Variants in SREK1 observed in about 807,000 individuals in gnomAD.
SREK1 encodes the protein splicing regulatory glutamic acid and lysine rich protein 1, also known as splicing regulatory glutamine/lysine-rich protein 1.
Under a neutral mutation model 66.5 loss-of-function variants are expected in SREK1, and 13 were observed. The observed-to-expected ratio is 0.20, with a 90% confidence interval of 0.13 to 0.31. The LOEUF is 0.31. Among genes scored for constraint, SREK1 ranks in the 10% least tolerant of loss-of-function variants. The pLI is 1.00. For synonymous variants in SREK1, 265 were observed against 263.5 expected, an observed-to-expected ratio of 1.01 and a Z score of -0.05; for missense variants, 607 against 769.6, an observed-to-expected ratio of 0.79 and a Z score of 2.50.
intron 10 of SREK1, among the ~76,000 whole-genome samples, chr5:66,176,250 A>C (rs1022053024): frequency 6.6e-6 from 1 of 151,966 alleles, no homozygotes; most frequent in African/African-American, 2.4e-5. Context: ...GTTTGGGTCT[A>C]TTTCTGGGTC....
Position 66,179,965 on chromosome 5 carries a change from C to T in SREK1, c.*1097C>T, listed in dbSNP as rs1192567276. 2 of 152,520 alleles carry T rather than the reference C, an allele frequency of 1.3e-5. No individual in the cohort carries two copies. The highest frequency in any genetic ancestry group is 2.9e-5 in the Non-Finnish European group (2 of 67,976). 9.4% of individuals were successfully genotyped at this position (152,520 alleles called of 1,614,324 possible). A position where few individuals can be genotyped will look rare whatever the true frequency, so the allele number is the denominator to read the frequency against. ...CATTAGAGTCATGCAGCTTTGGGAC[C>T]ATCAGTTTTATACTGTGATAATTGA... On this transcript the variant is annotated 3_prime_UTR_variant, in exon 12 of 12. Transcript: ENST00000334121.
intron 1 of SREK1, among the ~76,000 whole-genome samples, chr5:66,151,433 C>T (rs1743796377): frequency 6.6e-6 from 1 of 152,086 alleles, no homozygotes; most frequent in African/African-American, 2.4e-5. Flanking sequence ...AGTTGGTGGG[C>T]AGTGCTTAGG....
rs1156990457 is a variant in SREK1, at chr5:66,182,774, C to G, written c.*3906C>G. 6.6e-6 allele frequency: 1 copy of G among 152,148 alleles called. No individual in the cohort carries two copies. The highest frequency in any genetic ancestry group is 1.5e-5 in the Non-Finnish European group (1 of 68,070). The allele number at this position is 152,148 out of a possible 1,614,324, so 9.4% of individuals were successfully genotyped here. A position where few individuals can be genotyped will look rare whatever the true frequency, so the allele number is the denominator to read the frequency against. On this transcript the variant is annotated 3_prime_UTR_variant, in exon 12 of 12. Transcript: ENST00000334121. The stretch of plus-strand genomic sequence containing the variant: ...GTAGAGACAGGATCTTGCCATGTTG[C>G]CTAGACTGGTCTCAAACTCCTGGGC...
intron 1 of SREK1, among the ~76,000 whole-genome samples, chr5:66,147,500 C>T (rs1743351512): frequency 1.3e-5 from 2 of 152,162 alleles, no homozygotes; most frequent in South Asian, 2.1e-4. Context: ...GTAAGTTCCC[C>T]GTGACCCCCT....
Position 66,159,307 on chromosome 5 carries a change from A to G in SREK1, c.384A>G (p.Pro128=), listed in dbSNP as rs757372170. The change falls in exon 3 of 12, where the codon CCA becomes CCG. Residue 128 remains proline, a synonymous_variant. Transcript: ENST00000334121. ...TGATGCCTGGTGCAGGATTGCTTCC[A>G]ATACCGACCCCAAATCCTTTGACTA... The part of the protein sequence containing the change: ...TSLMPGAGLL[P]IPTPNPLTTL... 2 of 1,612,784 alleles carry G rather than the reference A, an allele frequency of 1.2e-6. No individual in the cohort carries two copies. The highest frequency in any genetic ancestry group is 2.2e-5 in the South Asian group (2 of 90,924).
intron 3 of SREK1, among the ~76,000 whole-genome samples, chr5:66,161,206 A>C (rs892624314): frequency 6.6e-6 from 1 of 152,226 alleles, no homozygotes; most frequent in Non-Finnish European, 1.5e-5. Context: ...ACTCATACTC[A>C]TACTCATCTG....
In SREK1 at chr5:66,181,766, C is replaced by T. The variant is rs1746505180; in HGVS notation, c.*2898C>T. 1 of 151,990 alleles carries T rather than the reference C, an allele frequency of 6.6e-6. No individual in the cohort carries two copies. The highest frequency in any genetic ancestry group is 1.5e-5 in the Non-Finnish European group (1 of 68,004). 9.4% of individuals were successfully genotyped at this position (151,990 alleles called of 1,614,324 possible). On this transcript the variant is annotated 3_prime_UTR_variant, in exon 12 of 12. Transcript: ENST00000334121. ...TTGCAAACACTAGTCAGCTTGTGAT[C>T]TCTGTGTTTCAAGTTCTTTTCTTCA...
rs772307778 is a variant in SREK1, at chr5:66,144,532, C to A, written c.156C>A (p.Pro52=). The A allele has an allele frequency of 5.7e-5, 88 of 1,551,802 alleles. No individual in the cohort carries two copies. Among genetic ancestry groups the A allele is most frequent in the Admixed American group, 3.9e-4 (20 of 51,186 alleles). Residue 52 remains proline (P), a synonymous_variant, in exon 1 of 12, where the codon CCC becomes CCA. Transcript: ENST00000334121. ...AAATCGAGGAGCTGCGGCTCTACCC[C>A]CCGGAGTAAGTGCTGGAGCTCGGCT... ...LGEIEELRLY[P]PDNAPLAFSS...
intron 2 of SREK1, chr5:66,156,651 T>C (rs1215997900): frequency 1.4e-5 from 14 of 985,316 alleles, no homozygotes; most frequent in Non-Finnish European, 1.7e-5. Flanking sequence ...CCCTGGAATT[T>C]TAGGCATACA....
intron 1 of SREK1, among the ~76,000 whole-genome samples, chr5:66,150,054 C>A (rs982419298): frequency 1.1e-4 from 16 of 152,212 alleles, no homozygotes; most frequent in Admixed American, 7.9e-4. Flanking sequence ...TGCTGTAAGT[C>A]ACCTTCCAGC....
intron 3 of SREK1, 80 bp downstream of exon 3, chr5:66,159,414 G>T: frequency 9.0e-7 from 1 of 1,107,362 alleles, no homozygotes. Context: ...CAGATTATTT[G>T]CATTTGGATC....
At chr5:66,178,025 G>A (rs780304574) in intron 11 of SREK1, among the ~76,000 whole-genome samples, 22 of 152,000 alleles carry the variant, frequency 1.4e-4, no homozygotes, top group Non-Finnish European at 2.5e-4. Flanking sequence ...GGTTTGTTGG[G>A]TTAGAATACC....
rs1040609177 is a variant in SREK1 at position 66,179,164 on chromosome 5, A to C, written c.*296A>C. 9.7e-6 allele frequency: 2 copies of C among 205,144 alleles called. No individual in the cohort carries two copies. The highest frequency in any genetic ancestry group is 4.6e-5 in the African/African-American group (2 of 43,490). 12.7% of individuals were successfully genotyped at this position (205,144 alleles called of 1,614,324 possible). A position where few individuals can be genotyped will look rare whatever the true frequency, so the allele number is the denominator to read the frequency against. On this transcript the variant is annotated 3_prime_UTR_variant, in exon 12 of 12. Transcript: ENST00000334121. Reference sequence around the variant, plus strand: ...TGTTTGCCAAGAACCATTGCAAATAAATTGAACATCAAAGATCCAAGTTTG... The same window carrying C: ...TGTTTGCCAAGAACCATTGCAAATACATTGAACATCAAAGATCCAAGTTTG...
At chr5:66,178,298 A>G (rs1366863359) in intron 11 of SREK1, among the ~76,000 whole-genome samples, 5 of 152,068 alleles carry the variant, frequency 3.3e-5, no homozygotes, top group Non-Finnish European at 1.5e-5. Flanking sequence ...AATTGAGGGT[A>G]GAAATTGGAG....
At chr5:66,152,022 T>G (rs1359217819) in intron 1 of SREK1, among the ~76,000 whole-genome samples, 2 of 151,898 alleles carry the variant, frequency 1.3e-5, no homozygotes, top group Non-Finnish European at 2.9e-5. Context: ...ATTTTTTGTA[T>G]TTTTAGTAGA....
intron 1 of SREK1, among the ~76,000 whole-genome samples, chr5:66,149,401 G>C (rs1743567047): frequency 6.6e-6 from 1 of 152,046 alleles, no homozygotes; most frequent in African/African-American, 2.4e-5. Context: ...CAGTGGAGTA[G>C]CCGTACCTAA....
intron 7 of SREK1, chr5:66,167,885 G>A (rs1313050740): frequency 6.6e-6 from 1 of 152,086 alleles, no homozygotes; most frequent in Non-Finnish European, 1.5e-5. Context: ...TAGAAGCAAA[G>A]GCACTTTAAA....
At position 66,164,852 on chromosome 5, in the gene SREK1, G is replaced by C. The variant is rs1320545735; in HGVS notation, c.956G>C (p.Ser319Thr). The change falls in exon 7 of 12, where the codon AGC becomes ACC. Residue 319 changes from serine (S) to threonine (T), a missense_variant. Ser to Thr is a moderately conservative substitution (Grantham distance 58). This residue lies in a region of SREK1 where 112 missense variants were observed against 168.6 expected (regional missense o/e 0.66). Transcript: ENST00000334121. ...RSHTRSKSRS[S>T]SKSHSRRKRS... ...CATACTCGCTCAAAATCCAGGTCTA[G>C]CTCAAAATCCCATTCTAGAAGGAAA... The C allele has an allele frequency of 1.2e-6, 2 of 1,613,848 alleles. No individual in the cohort carries two copies. Among genetic ancestry groups the C allele is most frequent in the Non-Finnish European group, 1.7e-6 (2 of 1,179,874 alleles).
intron 3 of SREK1, 93 bp downstream of exon 3, chr5:66,159,427 C>A: frequency 3.7e-5 from 32 of 870,904 alleles, no homozygotes; most frequent in Non-Finnish European, 4.6e-5. Context: ...TTTGGATCTT[C>A]TTCTTTTTTT....
Sources: gnomAD v4.1 joint callset for allele counts (sites outside exome capture counted in the v4.1 genomes callset) on GRCh38, gnomAD v4.1.1 for gene constraint, gnomAD v4.1.1 regional missense constraint, MANE v1.5 for transcripts, NCBI Gene and HGNC (gene_info 2026-07-23, HGNC 2026-07-21) for gene names.